SDK2: variants seen among roughly 807,000 people sequenced by gnomAD.
SDK2 encodes the protein protein sidekick-2.
A neutral mutation model predicts 253.9 loss-of-function variants in SDK2; 105 were observed. That is an observed-to-expected ratio of 0.41 (90% confidence interval 0.35 to 0.49). The LOEUF is 0.49. SDK2 is among the 20% of genes least tolerant of loss of function. SDK2 has a pLI of 0.06. For missense variants in SDK2, 2,608 were observed against 3,003.0 expected, an observed-to-expected ratio of 0.87 and a Z score of 3.07; for synonymous variants, 1,249 against 1,234.9, an observed-to-expected ratio of 1.01 and a Z score of -0.24.
intron 38 of SDK2, among the ~76,000 whole-genome samples, chr17:73,363,536 G>T (rs2062658779): frequency 6.6e-6 from 1 of 152,176 alleles, no homozygotes; most frequent in African/African-American, 2.4e-5. Context: ...GGACAGTGGG[G>T]GCTGCTGGGC....
In SDK2 at chr17:73,365,378, A is replaced by T. The variant is rs149537911; in HGVS notation, c.5185T>A (p.Ser1729Thr). ...TQQAAPSAPS[S>T]VKFSELTTTS... ...GTGGTCAGCTCACTGAACTTGACCG[A>T]GCTGGGAGCGCTGGGGGCTGCGGGA... Residue 1729 changes from serine to threonine, a missense_variant, in exon 38 of 45, where the codon TCG (serine) becomes ACG (threonine). Ser to Thr is a moderately conservative substitution (Grantham distance 58). Coordinates refer to ENST00000392650, the MANE Select transcript of SDK2 (RefSeq NM_001144952.2). 3.1e-6 allele frequency: 5 copies of T among 1,610,448 alleles called. No homozygotes were observed. The highest frequency in any genetic ancestry group is 4.2e-6 in the Non-Finnish European group (5 of 1,178,676).
intron 2 of SDK2, among the ~76,000 whole-genome samples, chr17:73,490,407 T>C (rs941296867): frequency 1.3e-5 from 2 of 152,110 alleles, no homozygotes; most frequent in Admixed American, 6.5e-5. Context: ...GGGTTTTTGA[T>C]TGGGTATTCC....
At chr17:73,596,625 C>T (rs549323117) in intron 1 of SDK2, among the ~76,000 whole-genome samples, 75 of 152,184 alleles carry the variant, frequency 4.9e-4, no homozygotes, top group Non-Finnish European at 4.4e-4. Flanking sequence ...ACAGCCAACC[C>T]CCTTCCCAGT....
intron 1 of SDK2, among the ~76,000 whole-genome samples, chr17:73,516,168 G>C (rs1246547607): frequency 1.3e-5 from 2 of 152,220 alleles, no homozygotes; most frequent in Non-Finnish European, 2.9e-5. Context: ...TCTTGCCTGG[G>C]ATGGCTCATA....
At chr17:73,369,938 C>T (rs1254335961) in intron 36 of SDK2, among the ~76,000 whole-genome samples, 1 of 152,188 alleles carries the variant, frequency 6.6e-6, no homozygotes, top group Non-Finnish European at 1.5e-5. Flanking sequence ...ACCACCAAGC[C>T]CAGCCATTGT....
chr17:73,448,581 GT>G (rs956042547), intron 4 of SDK2, among the ~76,000 whole-genome samples: 2 of 151,792 alleles, frequency 1.3e-5, no homozygotes, highest in Non-Finnish European at 2.9e-5. Flanking sequence ...AGCCAGGATG[GT>G]CTCGATCTCC....
chr17:73,365,945 C>T (rs1196128333), intron 37 of SDK2, among the ~76,000 whole-genome samples: 1 of 152,158 alleles, frequency 6.6e-6, no homozygotes, highest in Non-Finnish European at 1.5e-5. Context: ...CAGTCAGACC[C>T]TCTGGGAGAA....
intron 1 of SDK2, among the ~76,000 whole-genome samples, chr17:73,602,412 G>T (rs2045853602): frequency 1.3e-5 from 2 of 152,048 alleles, no homozygotes; most frequent in Admixed American, 6.5e-5. Flanking sequence ...TGGCAACAGT[G>T]CACCATCTCT....
intron 1 of SDK2, among the ~76,000 whole-genome samples, chr17:73,589,432 G>A (rs1364956183): frequency 2.0e-5 from 3 of 152,220 alleles, no homozygotes; most frequent in Non-Finnish European, 1.5e-5. Flanking sequence ...AAAAGAGGCC[G>A]GAAAACCACA....
intron 41 of SDK2, among the ~76,000 whole-genome samples, 192 bp from the exon 42 acceptor site, chr17:73,350,982 C>CT (rs1243703670): frequency 6.6e-6 from 1 of 152,160 alleles, no homozygotes. Flanking sequence ...AAAGGGCTGC[C>CT]TGGAGGGCTG....
chr17:73,507,396 G>A (rs1032971725), intron 2 of SDK2, 42 bp downstream of exon 2: 56 of 1,530,282 alleles, frequency 3.7e-5, no homozygotes, highest in Non-Finnish European at 4.7e-5. Context: ...GCAGGGCAGT[G>A]GTCCTGGCAG....
intron 1 of SDK2, among the ~76,000 whole-genome samples, chr17:73,571,759 G>A (rs143922424): frequency 4.5e-4 from 68 of 152,306 alleles, no homozygotes; most frequent in African/African-American, 1.1e-3. Context: ...GCTGGGGCCC[G>A]GCCAGCGCCC....
At position 73,415,998 on chromosome 17, in the gene SDK2, G is replaced by T; in HGVS notation, c.2187-6C>A. 1 of 1,607,494 alleles carries T rather than the reference G, an allele frequency of 6.2e-7. No individual in the cohort carries two copies. The highest frequency in any genetic ancestry group is 1.1e-5 in the South Asian group (1 of 89,446). On this transcript the variant is annotated splice_polypyrimidine_tract_variant and splice_region_variant and intron_variant, in intron 16 of 44. Coordinates refer to ENST00000392650, the MANE Select transcript of SDK2 (RefSeq NM_001144952.2). ...GCAGCCCGGCCAGGCAGTACCTGAGGGGAAGAGGCGAGGCACAGTGGAGTC... is the reference window on the plus strand; with the variant it reads ...GCAGCCCGGCCAGGCAGTACCTGAGTGGAAGAGGCGAGGCACAGTGGAGTC...
chr17:73,624,244 A>T (rs1434507120), intron 1 of SDK2, among the ~76,000 whole-genome samples: 1 of 152,260 alleles, frequency 6.6e-6, no homozygotes, highest in Non-Finnish European at 1.5e-5. Flanking sequence ...CTGTAACCCT[A>T]GCACTTTGGG....
intron 2 of SDK2, among the ~76,000 whole-genome samples, chr17:73,483,707 A>ATATATT (rs1322209671): frequency 3.1e-5 from 2 of 64,306 alleles, no homozygotes; most frequent in African/African-American, 7.2e-5. Context: ...ATATATATAT[A>ATATATT]TTTTTTTTTT....
At position 73,339,072 on chromosome 17, in the gene SDK2, C is replaced by T. The variant is rs931702409; in HGVS notation, c.6166-132G>A. 372 of 790,062 alleles carry T rather than the reference C, an allele frequency of 4.7e-4. 2 individuals carry two copies. Among genetic ancestry groups the T allele is most frequent in the Admixed American group, 1.0e-4 (4 of 38,580 alleles). 48.9% of individuals were successfully genotyped at this position (790,062 alleles called of 1,614,324 possible). The stretch of plus-strand genomic sequence containing the variant: ...CTTTCAAGACTTGGACTGTGGGCCT[C>T]CCAGCCCCCTCACTGCCAAGGGGGT... On this transcript the variant is annotated intron_variant, in intron 44 of 44. Transcript: ENST00000392650.
rs757544682 is a variant in SDK2 at position 73,472,119 on chromosome 17, C to T, written c.324G>A (p.Gln108=). 15 of 1,551,256 alleles carry T rather than the reference C, an allele frequency of 9.7e-6. 1 individual carries two copies. Among genetic ancestry groups the T allele is most frequent in the South Asian group, 7.1e-5 (6 of 84,054 alleles). The change falls in exon 3 of 45, where the codon CAG becomes CAA. Residue 108 remains glutamine, a synonymous_variant. Coordinates refer to ENST00000392650, the MANE Select transcript of SDK2 (RefSeq NM_001144952.2). ...GGTCCCCATTGTACTCACAGGCCAC[C>T]TGGACCTCGGTTTGCCGCTGCAGCA... The part of the protein sequence containing the change: ...GALLQRQTEV[Q]VAYMGSFEEG...
intron 2 of SDK2, among the ~76,000 whole-genome samples, chr17:73,480,297 A>T (rs1160612669): frequency 6.6e-6 from 1 of 152,230 alleles, no homozygotes; most frequent in Non-Finnish European, 1.5e-5. Context: ...TAGGGTAAGA[A>T]GAGGATAGTT....
chr17:73,466,653 C>T lies in SDK2; in HGVS notation c.331+5459G>A, dbSNP rs568271746. Among the ~76,000 whole-genome samples, 6 of 146,794 alleles carry T rather than the reference C, an allele frequency of 4.1e-5. No homozygotes were observed. The East Asian group carries it at 1.2e-3, about 29-fold the overall frequency. On this transcript the variant is annotated intron_variant, in intron 3 of 44. Coordinates refer to ENST00000392650, the MANE Select transcript of SDK2 (RefSeq NM_001144952.2). ...CTCTCAGACCTGTCCTGGGAGCCCA[C>T]AGAAGAAAGACATTTACACAATGGC...
Sources: allele counts gnomAD v4.1 joint callset (sites outside exome capture counted in the v4.1 genomes callset), GRCh38; gene constraint gnomAD v4.1.1; transcripts MANE v1.5; gene names NCBI Gene and HGNC (gene_info 2026-07-23, HGNC 2026-07-21).